TXK: variants seen among roughly 807,000 people sequenced by gnomAD.
TXK encodes the protein TXK tyrosine kinase, also known as tyrosine-protein kinase TXK.
In TXK, 60 loss-of-function variants were observed where a neutral mutation model predicts 81.0. The ratio of observed to expected loss-of-function variants is 0.74; its 90% CI spans 0.60 to 0.92. The LOEUF is 0.92. Ranked by LOEUF, TXK falls within the 40% of genes least tolerant of loss-of-function variation. TXK has a pLI of 0.00. For missense variants in TXK, 581 were observed against 638.3 expected (o/e 0.91, Z 0.97); for synonymous variants, 203 against 210.7 (o/e 0.96, Z 0.32).
At chr4:48,115,601 C>T (rs114717232) in intron 1 of TXK, among the ~76,000 whole-genome samples, 1,747 of 152,236 alleles carry the variant, frequency 0.011, 30 homozygotes, top group African/African-American at 0.04. Context: ...AATCCCAGCA[C>T]CTTGGGAGGC....
At chr4:48,092,852 CT>C (rs1717830310) in intron 8 of TXK, among the ~76,000 whole-genome samples, 1 of 152,168 alleles carries the variant, frequency 6.6e-6, no homozygotes, top group African/African-American at 2.4e-5. Context: ...GGTGACTTCA[CT>C]TTTCCTAGTG....
Position 48,086,524 on chromosome 4 carries a change from C to G in TXK, c.898G>C (p.Ala300Pro). 6.2e-7 allele frequency: 1 copy of G among 1,614,080 alleles called. No individual in the cohort carries two copies. The highest frequency in any genetic ancestry group is 8.5e-7 in the Non-Finnish European group (1 of 1,179,976). The change falls in exon 10 of 15, where the codon GCC becomes CCC. Residue 300 changes from alanine to proline, a missense_variant. Transcript: ENST00000264316. ...WRSHIQVAIKAINEGSMSEED... is the reference protein window; with the variant it reads ...WRSHIQVAIKPINEGSMSEED... ...TCAGACATGGAGCCTTCATTGATGG[C>G]CTTGATAGCTACCTGGATATGTGAC...
intron 14 of TXK, among the ~76,000 whole-genome samples, chr4:48,068,774 G>T (rs1487571015): frequency 1.3e-5 from 2 of 152,102 alleles, no homozygotes; most frequent in African/African-American, 4.8e-5. Context: ...TTCTCACAGG[G>T]GTCATTGACA....
rs145553226 is a variant in TXK, at chr4:48,129,162, T to A, written c.16+4993A>T. Among the ~76,000 whole-genome samples the A allele has an allele frequency of 3.6e-3, 550 of 152,350 alleles. 17 individuals are homozygous for A. Among genetic ancestry groups the A allele is most frequent in the Admixed American group, 0.034 (521 of 15,302 alleles). ...AAAGTTATCCTTTATTCTGAGTTTA[T>A]GCCCTTTATACATTTGGGGTCTGAA... is the stretch of plus-strand genomic sequence containing the variant. On this transcript the variant is annotated intron_variant, in intron 1 of 14. Transcript: ENST00000264316.
chr4:48,112,332 AG>A lies in TXK; in HGVS notation c.354del (p.Trp119GlyfsTer13). 6.2e-7 allele frequency: 1 copy of A among 1,614,204 alleles called. No homozygotes were observed. The highest frequency in any genetic ancestry group is 8.5e-7 in the Non-Finnish European group (1 of 1,180,026). ...EYLILEKYNP[H>X]WWKARDRLGN... The stretch of plus-strand genomic sequence containing the variant: ...CCCAAACGGTCTCTTGCCTTCCACC[AG>A]TGAGGATTGTATTTCTCCAGTATCA... On this transcript the variant is annotated frameshift_variant, in exon 4 of 15. Transcript: ENST00000264316. LOFTEE classifies it high-confidence loss of function.
intron 10 of TXK, among the ~76,000 whole-genome samples, chr4:48,084,108 A>T (rs1717414869): frequency 6.6e-6 from 1 of 152,022 alleles, no homozygotes; most frequent in South Asian, 2.1e-4. Flanking sequence ...GTGTGTGTGT[A>T]TGACAGGGTC....
chr4:48,089,225 G>C (rs1292659287), intron 9 of TXK, among the ~76,000 whole-genome samples: 1 of 152,144 alleles, frequency 6.6e-6, no homozygotes, highest in Non-Finnish European at 1.5e-5. Context: ...AGTGAAATCT[G>C]AAGTCAAACG....
intron 1 of TXK, among the ~76,000 whole-genome samples, chr4:48,122,355 C>T (rs1445276679): frequency 6.6e-6 from 1 of 152,172 alleles, no homozygotes; most frequent in African/African-American, 2.4e-5. Flanking sequence ...AGATTCTTGG[C>T]TTTTGTTTTT....
chr4:48,112,068 C>T (rs144076892), intron 4 of TXK, among the ~76,000 whole-genome samples: 4 of 152,282 alleles, frequency 2.6e-5, no homozygotes, highest in African/African-American at 4.8e-5. Context: ...AACTCAGAGA[C>T]GGTAAGTGAC....
rs74810792 is a variant in TXK, at chr4:48,132,310, C to T, written c.16+1845G>A. Reference sequence around the variant, plus strand: ...ATCTGCAAAATAAGGCCCTCTGAGTCTTAGAGGTAAATTAATAAGTATTTC... The same window carrying T: ...ATCTGCAAAATAAGGCCCTCTGAGTTTTAGAGGTAAATTAATAAGTATTTC... On this transcript the variant is annotated intron_variant, in intron 1 of 14. Transcript: ENST00000264316. Among the ~76,000 whole-genome samples, 53 of 152,176 alleles carry T rather than the reference C, an allele frequency of 3.5e-4. 2 individuals carry two copies. In the Middle Eastern group the frequency reaches 0.014, roughly 39 times the overall value.
In TXK at chr4:48,110,523, T is replaced by C. The variant is rs368761008; in HGVS notation, c.446+15A>G. The stretch of plus-strand genomic sequence containing the variant: ...GTCCCTGATTTTCATAGGTTATATT[T>C]TGGAGAAGACTTACTCATATATTTC... On this transcript the variant is annotated intron_variant, in intron 5 of 14. Coordinates refer to ENST00000264316, the MANE Select transcript of TXK (RefSeq NM_003328.3). 6.3e-7 allele frequency: 1 copy of C among 1,583,770 alleles called. No homozygotes were observed. The highest frequency in any genetic ancestry group is 1.3e-5 in the African/African-American group (1 of 74,424).
intron 5 of TXK, among the ~76,000 whole-genome samples, chr4:48,105,801 A>C (rs924850613): frequency 6.6e-6 from 1 of 152,172 alleles, no homozygotes; most frequent in African/African-American, 2.4e-5. Context: ...ACTAAGCTTC[A>C]GTCTCATTGG....
In TXK at chr4:48,113,210, C is replaced by T. The variant is rs551944733; in HGVS notation, c.171G>A (p.Lys57=). 16 of 1,610,820 alleles carry T rather than the reference C, an allele frequency of 9.9e-6. No individual in the cohort carries two copies. Among genetic ancestry groups the T allele is most frequent in the African/African-American group, 1.3e-5 (1 of 74,766 alleles). ...RPWLSQLSNK[K]QSNTGRVQPS... Reference sequence around the variant, plus strand: ...TGCCTGTCAAAATGATACTTACTTGCTTCTTATTTGACAATTGGCTGAGCC... The same window carrying T: ...TGCCTGTCAAAATGATACTTACTTGTTTCTTATTTGACAATTGGCTGAGCC... The change falls in exon 3 of 15, where the codon AAG becomes AAA. Residue 57 remains lysine, a synonymous_variant. Transcript: ENST00000264316.
intron 7 of TXK, among the ~76,000 whole-genome samples, chr4:48,094,888 G>C (rs1444443319): frequency 6.6e-6 from 1 of 152,174 alleles, no homozygotes; most frequent in Non-Finnish European, 1.5e-5. Context: ...GGGATATGAG[G>C]AAAGCGCCCA....
In TXK at chr4:48,107,574, G is replaced by A. The variant is rs183461106; in HGVS notation, c.447-2619C>T. Among the ~76,000 whole-genome samples the A allele has an allele frequency of 2.2e-4, 33 of 151,808 alleles. 1 individual carries two copies. The East Asian group carries it at 4.5e-3, about 20-fold the overall frequency. ...TTCAACTTTTATTTTAAGTTCCGGG[G>A]TACATGTACAGGATATTCAGGTTTG... On this transcript the variant is annotated intron_variant, in intron 5 of 14. Coordinates refer to ENST00000264316, the MANE Select transcript of TXK (RefSeq NM_003328.3).
chr4:48,088,295 A>G (rs965080988), intron 9 of TXK, among the ~76,000 whole-genome samples: 3 of 152,218 alleles, frequency 2.0e-5, no homozygotes, highest in African/African-American at 7.2e-5. Flanking sequence ...ATGACCCAGC[A>G]GGTGTACACT....
At chr4:48,126,879 C>T (rs1407778253) in intron 1 of TXK, among the ~76,000 whole-genome samples, 1 of 152,160 alleles carries the variant, frequency 6.6e-6, no homozygotes, top group Non-Finnish European at 1.5e-5. Context: ...AAATGCCTCC[C>T]CCAGCTCCCT....
At chr4:48,123,558 C>T (rs1719010964) in intron 1 of TXK, among the ~76,000 whole-genome samples, 1 of 152,182 alleles carries the variant, frequency 6.6e-6, no homozygotes, top group East Asian at 1.9e-4. Flanking sequence ...ATAAGCAAGG[C>T]TAAGCCCTCA....
intron 10 of TXK, among the ~76,000 whole-genome samples, chr4:48,084,951 T>C (rs2109417243): frequency 7.6e-6 from 1 of 132,048 alleles, no homozygotes; most frequent in South Asian, 2.4e-4. Flanking sequence ...GCTTGTTTGT[T>C]TGTTTTTCTA....
Sources: allele counts gnomAD v4.1 joint callset (sites outside exome capture counted in the v4.1 genomes callset), GRCh38; gene constraint gnomAD v4.1.1; transcripts MANE v1.5; gene names NCBI Gene and HGNC (gene_info 2026-07-23, HGNC 2026-07-21).